The following SPATA31H1 variants were observed in gnomAD, a reference collection of about 807,000 sequenced individuals.
SPATA31H1 encodes spermatogenesis-associated protein 31H1.
At chr2:27,573,217 C>A in the SPATA31H1 span, 3 of 398,278 alleles carry the variant, frequency 7.5e-6, no homozygotes, top group Non-Finnish European at 1.3e-5. Flanking sequence ...TGTGTGAAAA[C>A]TCCTAAGATG....
chr2:27,550,562 G>A, the SPATA31H1 span, among the ~76,000 whole-genome samples: 6 of 151,584 alleles, frequency 4.0e-5, no homozygotes, highest in East Asian at 7.8e-4. Flanking sequence ...GGGATTACAG[G>A]CAAGTGCCAC....
the SPATA31H1 span, chr2:27,567,493 T>C: frequency 1.1e-4 from 45 of 414,152 alleles, no homozygotes; most frequent in African/African-American, 8.4e-4. Flanking sequence ...TCATTTCAGC[T>C]CCATGTGAAT....
At chr2:27,580,295 C>G in the SPATA31H1 span, 1 of 1,614,136 alleles carries the variant, frequency 6.2e-7, no homozygotes, top group Non-Finnish European at 8.5e-7. Flanking sequence ...GCAGGCCTGA[C>G]TTAGTAGAAA....
At chr2:27,557,910 G>A in the SPATA31H1 span, among the ~76,000 whole-genome samples, 1 of 16,538 alleles carries the variant, frequency 6.0e-5, no homozygotes, top group Non-Finnish European at 1.3e-4. Context: ...GGCCGGGCGG[G>A]GGGCTGACCC....
chr2:27,549,941 G>A, the SPATA31H1 span, among the ~76,000 whole-genome samples: 1 of 152,072 alleles, frequency 6.6e-6, no homozygotes, highest in Admixed American at 6.5e-5. Context: ...ACAGGCATGA[G>A]CAACCATACC....
the SPATA31H1 span, among the ~76,000 whole-genome samples, chr2:27,539,971 T>C: frequency 2.3e-3 from 111 of 48,418 alleles, no homozygotes; most frequent in South Asian, 8.3e-3. Flanking sequence ...GGGGGGCTGA[T>C]CCCCCCACCT....
At chr2:27,551,285 T>A in the SPATA31H1 span, among the ~76,000 whole-genome samples, 1 of 152,050 alleles carries the variant, frequency 6.6e-6, no homozygotes, top group South Asian at 2.1e-4. Context: ...TGATTTTTCT[T>A]TCTAATATTG....
chr2:27,539,826 C>A, the SPATA31H1 span, among the ~76,000 whole-genome samples: 132 of 69,670 alleles, frequency 1.9e-3, 1 homozygote, highest in African/African-American at 8.5e-3. Flanking sequence ...CGGGCAGAGG[C>A]GCCCCTCACC....
At chr2:27,571,622 G>C in the SPATA31H1 span, 1 of 398,284 alleles carries the variant, frequency 2.5e-6, no homozygotes, top group African/African-American at 2.1e-5. Flanking sequence ...TGCTTCAAGG[G>C]GTTAAATCTA....
chr2:27,552,056 C>T, the SPATA31H1 span, among the ~76,000 whole-genome samples: 1 of 151,924 alleles, frequency 6.6e-6, no homozygotes, highest in Admixed American at 6.6e-5. Context: ...CGTCATGATC[C>T]ACCCGCCTTG....
the SPATA31H1 span, among the ~76,000 whole-genome samples, chr2:27,540,254 T>C: frequency 6.0e-5 from 7 of 117,512 alleles, no homozygotes; most frequent in Admixed American, 1.6e-4. Flanking sequence ...ACGGGGCGGC[T>C]GGCCGGGCGG....
the SPATA31H1 span, chr2:27,579,977 A>G: frequency 3.0e-5 from 48 of 1,614,076 alleles, no homozygotes; most frequent in Non-Finnish European, 3.8e-5. Flanking sequence ...GCCATCATAA[A>G]TTACAGACCA....
the SPATA31H1 span, chr2:27,578,285 G>A: frequency 6.2e-7 from 1 of 1,614,038 alleles, no homozygotes; most frequent in Non-Finnish European, 8.5e-7. Flanking sequence ...TAATCACAAA[G>A]CCAAAACACC....
the SPATA31H1 span, among the ~76,000 whole-genome samples, chr2:27,544,527 C>T: frequency 1.5e-5 from 2 of 137,156 alleles, no homozygotes; most frequent in Admixed American, 1.7e-4. Context: ...TTGTTGACAA[C>T]AATTTTTTTT....
the SPATA31H1 span, chr2:27,579,613 A>G: frequency 2.5e-6 from 4 of 1,614,224 alleles, no homozygotes; most frequent in Non-Finnish European, 3.4e-6. Context: ...GTCATTCAAC[A>G]TATGCCTGTC....
the SPATA31H1 span, among the ~76,000 whole-genome samples, chr2:27,564,483 A>G: frequency 1.3e-5 from 2 of 152,076 alleles, no homozygotes; most frequent in African/African-American, 4.8e-5. Flanking sequence ...GCCTGTAAGG[A>G]TTTCCCTTAC....
the SPATA31H1 span, among the ~76,000 whole-genome samples, chr2:27,548,128 C>T: frequency 4.0e-5 from 6 of 151,582 alleles, no homozygotes; most frequent in African/African-American, 1.5e-4. Flanking sequence ...ACTACAGGCG[C>T]CTGCCACTGT....
At chr2:27,544,163 A>G in the SPATA31H1 span, among the ~76,000 whole-genome samples, 1 of 152,072 alleles carries the variant, frequency 6.6e-6, no homozygotes, top group Non-Finnish European at 1.5e-5. Context: ...TTCTTTCTAC[A>G]TATTTATGTA....
chr2:27,575,218 A>C, the SPATA31H1 span: 1 of 398,570 alleles, frequency 2.5e-6, no homozygotes. The surrounding 1 kb of genome is among the most constrained non-coding windows in gnomAD (Gnocchi z 4.1). Flanking sequence ...AAACTCTCTA[A>C]GTTGGCCTTG....
Sources: gnomAD v4.1 joint callset for allele counts (sites outside exome capture counted in the v4.1 genomes callset) on GRCh38, gnomAD v4.1.1 for gene constraint, Gnocchi (gnomAD v3.1) non-coding constraint, MANE v1.5 for transcripts, NCBI Gene and HGNC (gene_info 2026-07-23, HGNC 2026-07-21) for gene names.